Variants in LRRC4C observed in about 807,000 individuals in gnomAD.
LRRC4C encodes leucine-rich repeat-containing protein 4C.
LRRC4C carries 5 observed loss-of-function variants against 33.6 expected under a neutral mutation model. The ratio of observed to expected loss-of-function variants is 0.15; its 90% CI spans 0.08 to 0.31. The LOEUF is 0.31. LRRC4C is among the 10% of genes least tolerant of loss of function. LRRC4C has a pLI of 1.00. For synonymous variants in LRRC4C, 329 were observed against 302.0 expected (o/e 1.09, Z -0.93); for missense variants, 560 against 796.7 (o/e 0.70, Z 3.58).
chr11:40,716,391 A>G (rs1946718023), intron 2 of LRRC4C, among the ~76,000 whole-genome samples: 2 of 152,110 alleles, frequency 1.3e-5, no homozygotes. Flanking sequence ...TCATATTGAG[A>G]TTGGTAATAA....
intron 3 of LRRC4C, among the ~76,000 whole-genome samples, chr11:40,518,989 A>G (rs1242474872): frequency 6.6e-6 from 1 of 152,180 alleles, no homozygotes; most frequent in East Asian, 1.9e-4. Context: ...CTAATACAAG[A>G]ACAGAAAAGC....
chr11:40,975,241 T>G (rs976376425), intron 1 of LRRC4C, among the ~76,000 whole-genome samples: 2 of 152,246 alleles, frequency 1.3e-5, no homozygotes, highest in Non-Finnish European at 2.9e-5. Flanking sequence ...ATAAAAAGTT[T>G]GTGAATAAAT....
chr11:41,028,202 A>G (rs1248480186), intron 1 of LRRC4C, among the ~76,000 whole-genome samples: 2 of 151,628 alleles, frequency 1.3e-5, no homozygotes, highest in African/African-American at 4.8e-5. Flanking sequence ...AAATATAAAT[A>G]TTTAAATGCT....
At chr11:41,264,007 T>C (rs1565529501) in intron 1 of LRRC4C, among the ~76,000 whole-genome samples, 1 of 152,138 alleles carries the variant, frequency 6.6e-6, no homozygotes, top group Non-Finnish European at 1.5e-5. Context: ...ATCTACTTGA[T>C]ACTTCTAATT....
intron 1 of LRRC4C, among the ~76,000 whole-genome samples, chr11:41,054,895 T>C (rs1231445810): frequency 6.6e-6 from 1 of 152,226 alleles, no homozygotes; most frequent in African/African-American, 2.4e-5. Flanking sequence ...TCATATGCTC[T>C]TTATTTTTCA....
intron 3 of LRRC4C, among the ~76,000 whole-genome samples, chr11:40,604,713 C>T (rs1960383138): frequency 6.6e-6 from 1 of 151,692 alleles, no homozygotes; most frequent in Admixed American, 6.6e-5. Flanking sequence ...AAATATTCTG[C>T]TTGACTTCGA....
intron 2 of LRRC4C, among the ~76,000 whole-genome samples, chr11:40,729,392 T>C (rs1488477866): frequency 6.6e-6 from 1 of 152,216 alleles, no homozygotes; most frequent in Non-Finnish European, 1.5e-5. Context: ...CATGATATAC[T>C]TTTATTCCTT....
In LRRC4C at chr11:41,219,071, G is replaced by T. The variant is rs186912287; in HGVS notation, c.-496+240360C>A. Among the ~76,000 whole-genome samples, 360 of 151,956 alleles carry T rather than the reference G, an allele frequency of 2.4e-3. 1 individual carries two copies. The highest frequency in any genetic ancestry group is 3.9e-3 in the South Asian group (19 of 4,812). ...CAGGCTTGAGCCACCGCGCCCGGCC[G>T]CATATGTCACTTATTAAGTCAAATT... is the stretch of plus-strand genomic sequence containing the variant. On this transcript the variant is annotated intron_variant, in intron 1 of 6. Coordinates refer to ENST00000528697, the MANE Select transcript of LRRC4C (RefSeq NM_001258419.2).
At chr11:40,172,181 G>T (rs1175895148) in intron 5 of LRRC4C, among the ~76,000 whole-genome samples, 1 of 152,102 alleles carries the variant, frequency 6.6e-6, no homozygotes, top group Non-Finnish European at 1.5e-5. Flanking sequence ...GACACAACTT[G>T]ATCTTGGAAT....
intron 2 of LRRC4C, among the ~76,000 whole-genome samples, chr11:40,895,343 C>T (rs1291899825): frequency 2.8e-5 from 1 of 35,214 alleles, no homozygotes; most frequent in African/African-American, 5.8e-5. Flanking sequence ...AAATCCCCCT[C>T]ACTAAATTTT....
At position 40,649,456 on chromosome 11, in the gene LRRC4C, C is replaced by T. The variant is rs3979521; in HGVS notation, c.-406-1178G>A. Among the ~76,000 whole-genome samples the T allele has an allele frequency of 4.2e-3, 645 of 152,296 alleles. 6 individuals are homozygous for T. The highest frequency in any genetic ancestry group is 0.015 in the African/African-American group (622 of 41,560). Reference sequence around the variant, plus strand: ...TATGGCTCTATTCTGCCCGACCCCGCAGGCAGTCAGACCATATGGTTGTCT... The same window carrying T: ...TATGGCTCTATTCTGCCCGACCCCGTAGGCAGTCAGACCATATGGTTGTCT... On this transcript the variant is annotated intron_variant, in intron 2 of 6. Transcript: ENST00000528697.
rs116164569 is a variant in LRRC4C, at chr11:40,302,979, G to A, written c.-176+16649C>T. 4.5e-3 allele frequency among the ~76,000 whole-genome samples: 686 copies of A among 152,236 alleles called. 6 individuals are homozygous for A. Among genetic ancestry groups the A allele is most frequent in the African/African-American group, 0.016 (653 of 41,538 alleles). ...TGTGTGGCAGGGAAGAAGATAAAAT[G>A]CCAAGAAATGAACCTCCATATAACA... On this transcript the variant is annotated intron_variant, in intron 4 of 6. Coordinates refer to ENST00000528697, the MANE Select transcript of LRRC4C (RefSeq NM_001258419.2).
chr11:40,550,478 A>G (rs1053734857), intron 3 of LRRC4C, among the ~76,000 whole-genome samples: 1 of 152,200 alleles, frequency 6.6e-6, no homozygotes, highest in Non-Finnish European at 1.5e-5. Context: ...CATTGCAAAC[A>G]TATTTTAACA....
intron 1 of LRRC4C, among the ~76,000 whole-genome samples, chr11:40,965,724 C>CTAT (rs1430212751): frequency 6.6e-6 from 1 of 152,044 alleles, no homozygotes; most frequent in Admixed American, 6.6e-5. Context: ...TTCCATTGGT[C>CTAT]TATATCTCTG....
intron 4 of LRRC4C, among the ~76,000 whole-genome samples, chr11:40,287,256 ATGTGTGTGTGTGTGTG>A (rs5791367): frequency 9.7e-5 from 14 of 144,874 alleles, no homozygotes; most frequent in African/African-American, 3.1e-4. Context: ...ATGTCACTGT[ATGTGTGTGTGTGTGTG>A]TGTGTGTGTG....
intron 5 of LRRC4C, among the ~76,000 whole-genome samples, chr11:40,182,747 A>G (rs755848271): frequency 2.0e-5 from 3 of 152,226 alleles, no homozygotes; most frequent in Non-Finnish European, 4.4e-5. Flanking sequence ...CTCTAGGTTG[A>G]CAGGTAATTT....
chr11:41,252,312 A>G (rs142949884), intron 1 of LRRC4C, among the ~76,000 whole-genome samples: 1 of 152,228 alleles, frequency 6.6e-6, no homozygotes, highest in African/African-American at 2.4e-5. Flanking sequence ...AGGAGAGTGT[A>G]CCCTATCTTT....
chr11:40,776,302 A>T (rs1316961478), intron 2 of LRRC4C, among the ~76,000 whole-genome samples: 1 of 151,316 alleles, frequency 6.6e-6, no homozygotes, highest in Admixed American at 6.6e-5. Flanking sequence ...TTTCAGTAGA[A>T]TTGGTACCAG....
At chr11:40,568,235 C>T (rs927061866) in intron 3 of LRRC4C, among the ~76,000 whole-genome samples, 1 of 152,156 alleles carries the variant, frequency 6.6e-6, no homozygotes, top group Non-Finnish European at 1.5e-5. Flanking sequence ...TGTGAGAACC[C>T]CTTTGGAGAA....
Sources: allele counts gnomAD v4.1 joint callset (sites outside exome capture counted in the v4.1 genomes callset), GRCh38; gene constraint gnomAD v4.1.1; transcripts MANE v1.5; gene names NCBI Gene and HGNC (gene_info 2026-07-23, HGNC 2026-07-21).